Variants in LNX1 observed in about 807,000 individuals in gnomAD.
LNX1 encodes E3 ubiquitin-protein ligase LNX.
LNX1 carries 54 observed loss-of-function variants against 68.4 expected under a neutral mutation model. That is an observed-to-expected ratio of 0.79 (90% CI 0.63 to 0.99). The LOEUF (loss-of-function observed/expected upper bound fraction) is 0.99, where lower values mean the gene tolerates loss of function less well. Ranked by LOEUF, LNX1 falls within the 50% of genes least tolerant of loss-of-function variation. The pLI is 0.00. For missense variants in LNX1, 906 were observed against 926.4 expected (o/e 0.98, Z 0.29); for synonymous variants, 336 against 350.0 (o/e 0.96, Z 0.45).
Position 53,528,550 on chromosome 4 carries a change from C to A in LNX1, c.381-20323G>T, listed in dbSNP as rs546954424. ...ATTGTATAGCATTGTTAATCTCTTC[C>A]TGTGCCTAATTTATTAATTTAGCTT... On this transcript the variant is annotated intron_variant, in intron 2 of 10. Coordinates refer to ENST00000263925, the MANE Select transcript of LNX1 (RefSeq NM_001126328.3). Among the ~76,000 whole-genome samples the A allele has an allele frequency of 5.3e-5, 8 of 152,280 alleles. No homozygotes were observed. In the South Asian group the frequency reaches 1.7e-3, roughly 32 times the overall value.
At chr4:53,596,374 G>A (rs921930864), upstream of LNX1, among the ~76,000 whole-genome samples, 6 of 152,240 alleles carry the variant, frequency 3.9e-5, no homozygotes, top group Non-Finnish European at 7.4e-5. Flanking sequence ...AGGGAAATTA[G>A]CATTAAATCA....
intron 2 of LNX1, among the ~76,000 whole-genome samples, chr4:53,524,997 A>G (rs1727507586): frequency 6.6e-6 from 1 of 152,140 alleles, no homozygotes; most frequent in Non-Finnish European, 1.5e-5. Flanking sequence ...AAAGATGGGG[A>G]TTTGTGGTTG....
chr4:53,607,404 G>A (rs186294547), intron 2 of LNX1, among the ~76,000 whole-genome samples: 1 of 152,214 alleles, frequency 6.6e-6, no homozygotes. Flanking sequence ...TAGCTAACCA[G>A]GGAGGGGAAC....
At chr4:53,489,687 T>C (rs6843529) in intron 6 of LNX1, among the ~76,000 whole-genome samples, 57,047 of 152,012 alleles carry the variant, frequency 0.38, 11,099 homozygotes, top group South Asian at 0.59. Context: ...GTTGAAAAGC[T>C]GTACAGTTTA....
At chr4:53,506,516 C>G (rs967177371) in intron 4 of LNX1, among the ~76,000 whole-genome samples, 1 of 152,052 alleles carries the variant, frequency 6.6e-6, no homozygotes, top group Non-Finnish European at 1.5e-5. Context: ...ATTTGAGCAA[C>G]CTAAGTAACC....
chr4:53,623,253 G>T (rs1419295190), intron 1 of LNX1, among the ~76,000 whole-genome samples: 1 of 150,002 alleles, frequency 6.7e-6, no homozygotes, highest in African/African-American at 2.5e-5. Context: ...GCCCAGGCTG[G>T]AGTACAGTGG....
chr4:53,521,749 A>G (rs1286613395), intron 2 of LNX1, among the ~76,000 whole-genome samples: 5 of 152,114 alleles, frequency 3.3e-5, no homozygotes, highest in African/African-American at 1.2e-4. Context: ...ATTATATTAA[A>G]ATATTTATTG....
At position 53,496,069 on chromosome 4, in the gene LNX1, T is replaced by A; in HGVS notation, c.1304A>T (p.His435Leu). The A allele has an allele frequency of 6.2e-7, 1 of 1,614,178 alleles. No homozygotes were observed. The highest frequency in any genetic ancestry group is 8.5e-7 in the Non-Finnish European group (1 of 1,180,020). Reference protein sequence around the residue: ...ENDRVLAINGHDLRYGSPESA... With the variant: ...ENDRVLAINGLDLRYGSPESA... ...TTCTGGGCTGCCATATCGAAGATCA[T>A]GTCCATTGATGGCTAACACACGGTC... The change falls in exon 6 of 11, where the codon CAT (histidine) becomes CTT (leucine). Residue 435 changes from histidine to leucine, a missense_variant. Coordinates refer to ENST00000263925, the MANE Select transcript of LNX1 (RefSeq NM_001126328.3).
chr4:53,556,710 T>C (rs1729938522), intron 2 of LNX1, among the ~76,000 whole-genome samples: 1 of 152,188 alleles, frequency 6.6e-6, no homozygotes. Context: ...GACCAGATAA[T>C]CCTGAAATGC....
intron 2 of LNX1, among the ~76,000 whole-genome samples, chr4:53,527,051 T>TAAAAAAAAAAAAAAAA (rs11415751): frequency 9.1e-5 from 11 of 121,444 alleles, no homozygotes; most frequent in East Asian, 4.8e-4. Flanking sequence ...TCCCTGCCCC[T>TAAAAAAAAAAAAAAAA]AAAAAAAAAA....
At chr4:53,636,179 C>CA (rs1734466612) in intron 1 of LNX1, among the ~76,000 whole-genome samples, 1 of 85,248 alleles carries the variant, frequency 1.2e-5, no homozygotes. Context: ...TCTATTACTC[C>CA]TTTTTTTTTT....
chr4:53,541,744 AT>A (rs35227618), intron 2 of LNX1, among the ~76,000 whole-genome samples: 115,752 of 152,028 alleles, frequency 0.76, 44,322 homozygotes, highest in Admixed American at 0.82. Flanking sequence ...AGTCTGAGTC[AT>A]TAAAAAAAAG....
intron 2 of LNX1, among the ~76,000 whole-genome samples, chr4:53,609,743 T>C (rs1329969876): frequency 7.1e-6 from 1 of 141,428 alleles, no homozygotes. Context: ...TATACTATTA[T>C]ATATTATATA....
intron 2 of LNX1, among the ~76,000 whole-genome samples, chr4:53,610,282 C>T (rs575644476): frequency 6.6e-6 from 1 of 152,022 alleles, no homozygotes; most frequent in South Asian, 2.1e-4. Flanking sequence ...AAGTTGACTA[C>T]TTGAAAATTT....
At chr4:53,557,983 G>A (rs1417424753) in intron 2 of LNX1, 1 of 1,613,190 alleles carries the variant, frequency 6.2e-7, no homozygotes, top group African/African-American at 1.3e-5. Flanking sequence ...GCAGTGTGCT[G>A]CCTTCTCCCT....
intron 2 of LNX1, among the ~76,000 whole-genome samples, chr4:53,509,985 C>G (rs918717844): frequency 6.6e-6 from 1 of 152,284 alleles, no homozygotes; most frequent in Admixed American, 6.5e-5. Flanking sequence ...GCCTCAAAAA[C>G]AGAACAATTG....
upstream of LNX1, among the ~76,000 whole-genome samples, chr4:53,618,594 G>A (rs964839214): frequency 2.0e-5 from 3 of 152,076 alleles, no homozygotes; most frequent in Admixed American, 1.3e-4. Context: ...ACTAACCCTC[G>A]GATGTGCACA....
chr4:53,465,915 T>A lies in LNX1; in HGVS notation c.1893-4322A>T, dbSNP rs550218794. On this transcript the variant is annotated intron_variant, in intron 9 of 10. Transcript: ENST00000263925. ...CTTACTAACTTAAAATGCTACTTTATTATAGGAAGTCCACAAAGTATAGAG... is the reference window on the plus strand; with the variant it reads ...CTTACTAACTTAAAATGCTACTTTAATATAGGAAGTCCACAAAGTATAGAG... Among the ~76,000 whole-genome samples, 6 of 152,328 alleles carry A rather than the reference T, an allele frequency of 3.9e-5. No homozygotes were observed. In the South Asian group the frequency reaches 1.2e-3, roughly 32 times the overall value.
chr4:53,528,355 C>T (rs1026483924), intron 2 of LNX1, among the ~76,000 whole-genome samples: 2 of 152,164 alleles, frequency 1.3e-5, no homozygotes, highest in Non-Finnish European at 2.9e-5. Context: ...TCAATAGTAG[C>T]CATATGCTAT....
Sources: allele counts gnomAD v4.1 joint callset (sites outside exome capture counted in the v4.1 genomes callset), GRCh38; gene constraint gnomAD v4.1.1; transcripts MANE v1.5; gene names NCBI Gene and HGNC (gene_info 2026-07-23, HGNC 2026-07-21).